LPP: variants seen among roughly 807,000 people sequenced by gnomAD.
LPP encodes LIM domain containing preferred translocation partner in lipoma, also known as lipoma-preferred partner.
A neutral mutation model predicts 60.4 loss-of-function variants in LPP; 38 were observed. The observed-to-expected ratio is 0.63, with a 90% CI of 0.49 to 0.83. The LOEUF is 0.83. Among genes scored for constraint, LPP ranks in the 40% least tolerant of loss-of-function variants. The pLI, the probability that LPP is intolerant of heterozygous loss-of-function variation, is 0.00. For synonymous variants in LPP, 328 were observed against 290.8 expected (o/e 1.13, Z -1.30); for missense variants, 902 against 783.6 (o/e 1.15, Z -1.80).
chr3:188,373,790 T>G lies in LPP; in HGVS notation c.-10+32071T>G, dbSNP rs530286700. Among the ~76,000 whole-genome samples, 150 of 152,192 alleles carry G rather than the reference T, an allele frequency of 9.9e-4. 1 individual carries two copies. The highest frequency in any genetic ancestry group is 3.5e-3 in the African/African-American group (144 of 41,530). ...GACATGAAGTCCTTGCCCATGCCTA[T>G]GTCCTGAATGGTATTGCCTAGGTTT... On this transcript the variant is annotated intron_variant, in intron 3 of 11. Transcript: ENST00000617246.
At chr3:188,744,721 A>G (rs1725568633) in intron 8 of LPP, among the ~76,000 whole-genome samples, 1 of 152,118 alleles carries the variant, frequency 6.6e-6, no homozygotes, top group Admixed American at 6.6e-5. Context: ...TCCCCTCTTC[A>G]GTTTTTCCTC....
intron 3 of LPP, among the ~76,000 whole-genome samples, chr3:188,349,567 A>G (rs771448330): frequency 1.3e-5 from 2 of 152,238 alleles, no homozygotes; most frequent in African/African-American, 2.4e-5. Flanking sequence ...TCTTTCTGCC[A>G]TGCTTTCACT....
chr3:188,528,487 C>G (rs139703844), intron 6 of LPP, among the ~76,000 whole-genome samples: 60 of 152,228 alleles, frequency 3.9e-4, no homozygotes, highest in African/African-American at 1.4e-3. Flanking sequence ...ATACATGCCT[C>G]TCATAAACCA....
At chr3:188,765,297 A>AACAC (rs60149759) in intron 9 of LPP, among the ~76,000 whole-genome samples, 27,400 of 143,730 alleles carry the variant, frequency 0.19, 2,565 homozygotes, top group South Asian at 0.23. Flanking sequence ...TGTCTCACAC[A>AACAC]ACACACACAC....
intron 3 of LPP, among the ~76,000 whole-genome samples, chr3:188,379,907 G>A (rs566949144): frequency 6.6e-6 from 1 of 152,226 alleles, no homozygotes; most frequent in East Asian, 1.9e-4. Flanking sequence ...GCTGACTAGG[G>A]CCTGTAGGGA....
intron 8 of LPP, among the ~76,000 whole-genome samples, chr3:188,738,161 A>G (rs1453847713): frequency 6.6e-6 from 1 of 152,136 alleles, no homozygotes; most frequent in Non-Finnish European, 1.5e-5. Flanking sequence ...GTCATTATTG[A>G]AAAACAAAAT....
intron 2 of LPP, among the ~76,000 whole-genome samples, chr3:188,341,382 T>C (rs1287230409): frequency 2.0e-5 from 3 of 152,230 alleles, no homozygotes; most frequent in African/African-American, 7.2e-5. Flanking sequence ...TGGACAATAA[T>C]ATTCATTTTA....
At chr3:188,528,382 TC>T (rs1396181346) in intron 6 of LPP, among the ~76,000 whole-genome samples, 5 of 152,138 alleles carry the variant, frequency 3.3e-5, no homozygotes, top group African/African-American at 7.2e-5. Context: ...ATCTTTTTTT[TC>T]CTCCCCTAAA....
chr3:188,370,324 C>T (rs1772639160), intron 3 of LPP, among the ~76,000 whole-genome samples: 1 of 152,166 alleles, frequency 6.6e-6, no homozygotes, highest in Non-Finnish European at 1.5e-5. Context: ...CTGAAGGCTG[C>T]ACCGCCTACA....
intron 9 of LPP, among the ~76,000 whole-genome samples, chr3:188,800,805 G>A (rs770819381): frequency 2.0e-5 from 3 of 152,086 alleles, no homozygotes; most frequent in Non-Finnish European, 4.4e-5. Context: ...GGTGGATTTA[G>A]CATCATTTTC....
intron 9 of LPP, among the ~76,000 whole-genome samples, chr3:188,830,322 A>C (rs74769150): frequency 6.6e-6 from 1 of 150,624 alleles, no homozygotes; most frequent in East Asian, 1.9e-4. Flanking sequence ...AAAAAAAAAA[A>C]GGCTCAACCA....
At chr3:188,843,751 C>T (rs1760709146) in intron 9 of LPP, among the ~76,000 whole-genome samples, 1 of 119,820 alleles carries the variant, frequency 8.3e-6, no homozygotes, top group South Asian at 2.7e-4. Flanking sequence ...CGCGCCACTG[C>T]ACTCCAGCCT....
chr3:188,741,070 A>G (rs1724230833), intron 8 of LPP, among the ~76,000 whole-genome samples: 1 of 151,972 alleles, frequency 6.6e-6, no homozygotes, highest in Admixed American at 6.6e-5. Context: ...CACTTCTTAT[A>G]AGAAATTAAA....
At chr3:188,302,845 G>T (rs554221892) in intron 2 of LPP, among the ~76,000 whole-genome samples, 1 of 152,230 alleles carries the variant, frequency 6.6e-6, no homozygotes, top group East Asian at 1.9e-4. Context: ...TTTTCCATAG[G>T]TTTGAAAGCT....
chr3:188,392,177 A>G (rs1779865890), intron 3 of LPP, among the ~76,000 whole-genome samples: 1 of 152,188 alleles, frequency 6.6e-6, no homozygotes, highest in Non-Finnish European at 1.5e-5. Flanking sequence ...TCTACTTGTC[A>G]GTGTAGTTAA....
intron 1 of LPP, among the ~76,000 whole-genome samples, chr3:188,200,420 T>A (rs1227821779): frequency 1.3e-5 from 2 of 152,146 alleles, no homozygotes; most frequent in Non-Finnish European, 2.9e-5. Context: ...CCACTAATTT[T>A]TGTATTTTTA....
chr3:188,857,084 C>T (rs1405811766), intron 9 of LPP, among the ~76,000 whole-genome samples: 1 of 152,188 alleles, frequency 6.6e-6, no homozygotes, highest in Non-Finnish European at 1.5e-5. Context: ...ACCATGCCAT[C>T]TGCGTCCTGG....
At chr3:188,206,774 A>T (rs772666784) in intron 1 of LPP, among the ~76,000 whole-genome samples, 29 of 152,168 alleles carry the variant, frequency 1.9e-4, no homozygotes, top group Non-Finnish European at 1.8e-4. Flanking sequence ...GGACTGTTGC[A>T]CTTACTATTT....
At position 188,857,603 on chromosome 3, in the gene LPP, A is replaced by G. The variant is rs553628029; in HGVS notation, c.1411-8597A>G. Among the ~76,000 whole-genome samples the G allele has an allele frequency of 7.9e-5, 12 of 152,232 alleles. No individual in the cohort carries two copies. In the East Asian group the frequency reaches 2.3e-3, roughly 29 times the overall value. On this transcript the variant is annotated intron_variant, in intron 9 of 11. Transcript: ENST00000617246. Reference sequence around the variant, plus strand: ...TAAAGGAATATAAATTACTTTTATGAAGAATTAAGAAATGTATGGATTTGG... The same window carrying G: ...TAAAGGAATATAAATTACTTTTATGGAGAATTAAGAAATGTATGGATTTGG...
Sources: allele counts gnomAD v4.1 joint callset (sites outside exome capture counted in the v4.1 genomes callset), GRCh38; gene constraint gnomAD v4.1.1; transcripts MANE v1.5; gene names NCBI Gene and HGNC (gene_info 2026-07-23, HGNC 2026-07-21).